Variants in PLCD3 observed in about 807,000 individuals in gnomAD.
The protein encoded by PLCD3 is 1-phosphatidylinositol 4,5-bisphosphate phosphodiesterase delta-3.
In PLCD3, 62 loss-of-function variants were observed where a neutral mutation model predicts 82.8. The ratio of observed to expected loss-of-function variants is 0.75; its 90% CI spans 0.61 to 0.93. The LOEUF is 0.93. Ranked by LOEUF, PLCD3 falls within the 40% of genes least tolerant of loss-of-function variation. The pLI, the probability that PLCD3 is intolerant of heterozygous loss-of-function variation, is 0.00. For synonymous variants in PLCD3, 478 were observed against 471.8 expected (o/e 1.01, Z -0.17); for missense variants, 1,023 against 1,103.4 (o/e 0.93, Z 1.03).
In PLCD3 at chr17:45,120,994, C is replaced by T; in HGVS notation, c.462G>A (p.Ala154=). Residue 154 remains alanine, a synonymous_variant, in exon 3 of 15, where the codon GCG becomes GCA. Transcript: ENST00000619929. The stretch of plus-strand genomic sequence containing the variant: ...AGCGCTGCGCTTCCTCAGCCGTGGG[C>T]GCCGCCAGGTCCAGGTTCTTGCGGC... ...KGRRKNLDLA[A]PTAEEAQRWV... The T allele has an allele frequency of 6.5e-7, 1 of 1,533,538 alleles. No homozygotes were observed. Among genetic ancestry groups the T allele is most frequent in the Non-Finnish European group, 8.7e-7 (1 of 1,147,188 alleles). 95.0% of individuals were successfully genotyped at this position (1,533,538 alleles called of 1,614,324 possible).
chr17:45,119,018 C>T lies in PLCD3; in HGVS notation c.710G>A (p.Arg237His), dbSNP rs769937396. ...FKECDHSNND[R>H]LEGAEIEEFL... is the part of the protein sequence containing the mutation. ...CTCCTCGATCTCAGCCCCCTCTAGA[C>T]GGTCGTTGTTGGAGTGGTCACACTC... Residue 237 changes from arginine (R) to histidine (H), a missense_variant, in exon 5 of 15, where the codon CGT becomes CAT. This residue lies in a region of PLCD3 where 448 missense variants were observed against 406.3 expected (regional missense o/e 1.10). Transcript: ENST00000619929. 7.4e-5 allele frequency: 120 copies of T among 1,610,852 alleles called. No homozygotes were observed. The highest frequency in any genetic ancestry group is 1.9e-4 in the South Asian group (17 of 90,648).
chr17:45,127,799 TGTGA>T (rs777690426), intron 1 of PLCD3, among the ~76,000 whole-genome samples: 164 of 85,904 alleles, frequency 1.9e-3, no homozygotes, highest in Non-Finnish European at 2.7e-3. Flanking sequence ...AGTGAATGTG[TGTGA>T]GTGTGTGCGT....
Position 45,115,084 on chromosome 17 carries a change from C to G in PLCD3, c.1711+10G>C. ...TCTCGCCCCCAGACACCCAGTGCCC[C>G]AGCTCCTACCTGCCTCCCGAATGAG... On this transcript the variant is annotated intron_variant, in intron 10 of 14. Transcript: ENST00000619929. 6.3e-7 allele frequency: 1 copy of G among 1,591,602 alleles called. No individual in the cohort carries two copies. Among genetic ancestry groups the G allele is most frequent in the Non-Finnish European group, 8.6e-7 (1 of 1,169,080 alleles).
At position 45,112,690 on chromosome 17, in the gene PLCD3, G is replaced by A. The variant is rs1251520570; in HGVS notation, c.2296C>T (p.His766Tyr). Reference sequence around the variant, plus strand: ...GAGGCCCCGTCCTTGGAAAGCAGGTGTATGTGGCGGTACCCTGTAGGGAGG... The same window carrying A: ...GAGGCCCCGTCCTTGGAAAGCAGGTATATGTGGCGGTACCCTGTAGGGAGG... ...SSLKQGYRHI[H>Y]LLSKDGASLS... The change falls in exon 15 of 15, where the codon CAC (histidine) becomes TAC (tyrosine). Residue 766 changes from histidine (H) to tyrosine (Y), a missense_variant. By Grantham distance (83) the His-to-Tyr change is moderately conservative (BLOSUM62 2). This residue lies in a region of PLCD3 where 553 missense variants were observed against 655.7 expected (regional missense o/e 0.84). Coordinates refer to ENST00000619929, the MANE Select transcript of PLCD3 (RefSeq NM_133373.5). The A allele has an allele frequency of 6.2e-7, 1 of 1,605,416 alleles. No individual in the cohort carries two copies. Among genetic ancestry groups the A allele is most frequent in the Admixed American group, 1.7e-5 (1 of 58,846 alleles).
chr17:45,127,609 A>G (rs748734033), intron 1 of PLCD3, among the ~76,000 whole-genome samples: 13 of 152,192 alleles, frequency 8.5e-5, no homozygotes, highest in Non-Finnish European at 1.8e-4. Context: ...GCCCCCAGGC[A>G]GGGATGGATA....
rs2054476708 is a variant in PLCD3, at chr17:45,132,422, G to C, written c.-12C>G. 8.3e-7 allele frequency: 1 copy of C among 1,203,726 alleles called. No individual in the cohort carries two copies. Among genetic ancestry groups the C allele is most frequent in the Non-Finnish European group, 1.0e-6 (1 of 969,656 alleles). The allele number at this position is 1,203,726 out of a possible 1,614,324, so 74.6% of individuals were successfully genotyped here. On this transcript the variant is annotated 5_prime_UTR_variant, in exon 1 of 15. Transcript: ENST00000619929. This position sits in a 1 kb window ranked among gnomAD's most constrained non-coding sequence, Gnocchi z 4.6. Reference sequence around the variant, plus strand: ...CGGCCGCACAGCATGGCTTGGCGGGGGGCCGGGGCCGGGCCCGGGGTCTGC... The same window carrying C: ...CGGCCGCACAGCATGGCTTGGCGGGCGGCCGGGGCCGGGCCCGGGGTCTGC...
In PLCD3 at chr17:45,113,010, A is replaced by C. The variant is rs777577713; in HGVS notation, c.2134T>G (p.Phe712Val). The change falls in exon 14 of 15, where the codon TTC becomes GTC. Residue 712 changes from phenylalanine (F) to valine (V), a missense_variant and splice_region_variant. Coordinates refer to ENST00000619929, the MANE Select transcript of PLCD3 (RefSeq NM_133373.5). ...QETDYVLNNG[F>V]NPRWGQTLQF... ...AGGGTCTGCCCCCAGCGGGGGTTGAAGCCTAGGGCACAGGGATGGCAGTCA... is the reference window on the plus strand; with the variant it reads ...AGGGTCTGCCCCCAGCGGGGGTTGACGCCTAGGGCACAGGGATGGCAGTCA... The C allele has an allele frequency of 6.2e-7, 1 of 1,604,052 alleles. No homozygotes were observed. The highest frequency in any genetic ancestry group is 8.5e-7 in the Non-Finnish European group (1 of 1,173,906).
In PLCD3 at chr17:45,132,174, C is replaced by G; in HGVS notation, c.163+74G>C. On this transcript the variant is annotated intron_variant, in intron 1 of 14. Coordinates refer to ENST00000619929, the MANE Select transcript of PLCD3 (RefSeq NM_133373.5). The surrounding 1 kb of genome is among the most constrained non-coding windows in gnomAD (Gnocchi z 4.6). ...TGCAGCCTGGGGAATCCACGAACTG[C>G]TCCCTGGAGCGCCCCAGACTGGGCC... The G allele has an allele frequency of 8.2e-7, 1 of 1,221,650 alleles. No individual in the cohort carries two copies. Among genetic ancestry groups the G allele is most frequent in the East Asian group, 3.2e-5 (1 of 31,484 alleles). 75.7% of individuals were successfully genotyped at this position (1,221,650 alleles called of 1,614,324 possible).
In PLCD3 at chr17:45,110,089, CAA is replaced by C. The variant is rs888124837; in HGVS notation, c.*2525_*2526del. On this transcript the variant is annotated 3_prime_UTR_variant, in exon 15 of 15. Transcript: ENST00000619929. ...CGAGACTCCATCTCAAAAAAACAAA[CAA>C]AAAAAAAACCCTGTGATTTCTCCCT... The C allele has an allele frequency of 1.4e-5, 2 of 147,008 alleles. No individual in the cohort carries two copies. Among genetic ancestry groups the C allele is most frequent in the Non-Finnish European group, 3.0e-5 (2 of 66,432 alleles). 9.1% of individuals were successfully genotyped at this position (147,008 alleles called of 1,614,324 possible).
chr17:45,132,333 G>C lies in PLCD3; in HGVS notation c.78C>G (p.Val26=), dbSNP rs551108215. Residue 26 remains valine, a synonymous_variant, in exon 1 of 15, where the codon GTC becomes GTG. Transcript: ENST00000619929. This position sits in a 1 kb window ranked among gnomAD's most constrained non-coding sequence, Gnocchi z 4.6. ...GGGACGGGAGAGCGACCGGCGCCGC[G>C]ACTTGGGCTGCGACCTGGGCGGCCA... ...PPVAAQVAAQ[V]AAPVALPSPP... 1,388 of 1,235,984 alleles carry C rather than the reference G, an allele frequency of 1.1e-3. 20 individuals are homozygous for C. The African/African-American group carries it at 0.016, about 14-fold the overall frequency. 76.6% of individuals were successfully genotyped at this position (1,235,984 alleles called of 1,614,324 possible).
intron 13 of PLCD3, 34 bp from the exon 14 acceptor site, chr17:45,113,046 G>A (rs145972794): frequency 1.1e-5 from 17 of 1,601,740 alleles, no homozygotes; most frequent in Non-Finnish European, 1.3e-5. Flanking sequence ...GAGCCCAGGG[G>A]CCCCAGGACC....
chr17:45,120,485 G>T, intron 3 of PLCD3, 31 bp from the exon 4 acceptor site: 1 of 1,613,220 alleles, frequency 6.2e-7, no homozygotes, highest in Non-Finnish European at 8.5e-7. Flanking sequence ...ACAGCAACAC[G>T]CCAGGCTGCC....
In PLCD3 at chr17:45,118,681, C is replaced by T. The variant is rs1408598627; in HGVS notation, c.913+134G>A. 1.8e-6 allele frequency: 2 copies of T among 1,128,742 alleles called. No homozygotes were observed. The highest frequency in any genetic ancestry group is 2.6e-5 in the East Asian group (1 of 38,810). The allele number at this position is 1,128,742 out of a possible 1,614,324, so 69.9% of individuals were successfully genotyped here. A position where few individuals can be genotyped will look rare whatever the true frequency, so the allele number is the denominator to read the frequency against. On this transcript the variant is annotated intron_variant, in intron 5 of 14. Transcript: ENST00000619929. The surrounding 1 kb of genome is among the most constrained non-coding windows in gnomAD (Gnocchi z 4.1). ...AGACAAACTGTTGTGCCATTTTACA[C>T]ATGTGGAAGCTGAGTCTGGAGGAGG...
chr17:45,115,784 C>T (rs1331670601), intron 8 of PLCD3, among the ~76,000 whole-genome samples: 1 of 152,200 alleles, frequency 6.6e-6, no homozygotes, highest in African/African-American at 2.4e-5. Context: ...GAAGATCTTA[C>T]GTGGAAGAAG....
At chr17:45,114,686 C>T (rs1182324591) in intron 10 of PLCD3, among the ~76,000 whole-genome samples, 1 of 152,198 alleles carries the variant, frequency 6.6e-6, no homozygotes, top group Non-Finnish European at 1.5e-5. Flanking sequence ...AGGCCCCAGG[C>T]CTTCAACAAC....
chr17:45,125,821 G>A (rs113429225), intron 1 of PLCD3, among the ~76,000 whole-genome samples: 9 of 152,292 alleles, frequency 5.9e-5, no homozygotes, highest in African/African-American at 2.2e-4. Context: ...TACCCAGAGC[G>A]GCAAGTTCAT....
chr17:45,113,311 C>A, intron 12 of PLCD3, 54 bp from the exon 13 acceptor site: 1 of 1,559,036 alleles, frequency 6.4e-7, no homozygotes, highest in South Asian at 1.2e-5. Context: ...GCCATCCCCT[C>A]ATGGGCCTCA....
chr17:45,120,636 A>G (rs996200081), intron 3 of PLCD3, among the ~76,000 whole-genome samples, 182 bp from the exon 4 acceptor site: 2 of 152,136 alleles, frequency 1.3e-5, no homozygotes, highest in East Asian at 3.9e-4. Context: ...GGGGCTTACC[A>G]AAGACAGGAG....
chr17:45,112,994 C>T lies in PLCD3; in HGVS notation c.2150G>A (p.Gly717Glu). ...CCGCAGCTGGAACTGCAGGGTCTGC[C>T]CCCAGCGGGGGTTGAAGCCTAGGGC... is the stretch of plus-strand genomic sequence containing the variant. ...VLNNGFNPRW[G>E]QTLQFQLRAP... The change falls in exon 14 of 15, where the codon GGG becomes GAG. Residue 717 changes from glycine to glutamate, a missense_variant. Physicochemically the swap from Gly to Glu is moderately conservative, Grantham distance 98. Transcript: ENST00000619929. 1 of 1,607,744 alleles carries T rather than the reference C, an allele frequency of 6.2e-7. No individual in the cohort carries two copies. Among genetic ancestry groups the T allele is most frequent in the South Asian group, 1.1e-5 (1 of 90,216 alleles).
Sources: allele counts gnomAD v4.1 joint callset (sites outside exome capture counted in the v4.1 genomes callset), GRCh38; gene constraint gnomAD v4.1.1; regional missense constraint gnomAD v4.1.1; non-coding constraint Gnocchi (gnomAD v3.1); transcripts MANE v1.5; gene names NCBI Gene and HGNC (gene_info 2026-07-23, HGNC 2026-07-21).